SYNE1: variants seen among roughly 807,000 people sequenced by gnomAD.
SYNE1 encodes the protein nesprin-1.
Under a neutral mutation model 1,111.0 loss-of-function variants are expected in SYNE1, and 616 were observed. That is an observed-to-expected ratio of 0.55 (90% CI 0.52 to 0.59). The LOEUF is 0.59. Among genes scored for constraint, SYNE1 ranks in the 20% least tolerant of loss-of-function variants. The pLI, the probability that SYNE1 is intolerant of heterozygous loss-of-function variation, is 0.00. For synonymous variants in SYNE1, 3,855 were observed against 3,825.8 expected (o/e 1.01, Z -0.28); for missense variants, 10,006 against 10,417.0 (o/e 0.96, Z 1.72).
chr6:152,220,995 G>T lies in SYNE1; in HGVS notation c.21708C>A (p.Ala7236=). 1 of 1,614,098 alleles carries T rather than the reference G, an allele frequency of 6.2e-7. No individual in the cohort carries two copies. Among genetic ancestry groups the T allele is most frequent in the Non-Finnish European group, 8.5e-7 (1 of 1,180,008 alleles). ...TGTATCTTTGCCAAAGCTGAAGTAGGGCCTTGCTGGACTGTAGCTGCTCAG... is the reference window on the plus strand; with the variant it reads ...TGTATCTTTGCCAAAGCTGAAGTAGTGCCTTGCTGGACTGTAGCTGCTCAG... ...EIAEQLQSSK[A]LLQLWQRYKD... is the part of the protein sequence containing the mutation. The change falls in exon 119 of 146, where the codon GCC becomes GCA. Residue 7236 remains alanine, a synonymous_variant. Coordinates refer to ENST00000367255, the MANE Select transcript of SYNE1 (RefSeq NM_182961.4).
intron 33 of SYNE1, chr6:152,435,454 T>G (rs967958691): frequency 6.5e-6 from 1 of 153,554 alleles, no homozygotes; most frequent in African/African-American, 2.4e-5. Context: ...GGAAAGAGCA[T>G]ATTAGTCAGG....
intron 36 of SYNE1, among the ~76,000 whole-genome samples, chr6:152,429,645 G>T (rs548942302): frequency 1.3e-5 from 2 of 152,156 alleles, no homozygotes; most frequent in South Asian, 4.1e-4. Context: ...TTCTGCCAGA[G>T]CCATCTGTCT....
chr6:152,180,122 C>A lies in SYNE1; in HGVS notation c.23460+14G>T. The A allele has an allele frequency of 1.2e-6, 2 of 1,613,844 alleles. No homozygotes were observed. The highest frequency in any genetic ancestry group is 1.7e-6 in the Non-Finnish European group (2 of 1,179,848). On this transcript the variant is annotated intron_variant, in intron 129 of 145. Coordinates refer to ENST00000367255, the MANE Select transcript of SYNE1 (RefSeq NM_182961.4). The stretch of plus-strand genomic sequence containing the variant: ...TATGAAGAATGAAAACCTAAGTAGC[C>A]ATGCATTCCATACCTTCTTGAGCTT...
intron 145 of SYNE1, among the ~76,000 whole-genome samples, chr6:152,124,269 A>C (rs947758379): frequency 6.6e-6 from 1 of 152,160 alleles, no homozygotes; most frequent in African/African-American, 2.4e-5. Context: ...TCGGAACACC[A>C]CTGCACTCCA....
chr6:152,601,515 C>T (rs2099596019), intron 3 of SYNE1, among the ~76,000 whole-genome samples: 1 of 152,106 alleles, frequency 6.6e-6, no homozygotes, highest in African/African-American at 2.4e-5. Flanking sequence ...GAGGAAACTT[C>T]GCAGCAGGAT....
chr6:152,341,252 T>C (rs1316065153), intron 74 of SYNE1, among the ~76,000 whole-genome samples: 1 of 152,182 alleles, frequency 6.6e-6, no homozygotes, highest in Non-Finnish European at 1.5e-5. Context: ...GAGAAAGTTA[T>C]TTGTCTCAAA....
chr6:152,453,001 T>G (rs556520607), intron 25 of SYNE1, among the ~76,000 whole-genome samples: 2 of 152,232 alleles, frequency 1.3e-5, no homozygotes, highest in Admixed American at 1.3e-4. Context: ...TCCACCTCCC[T>G]CTTTCAAAGC....
chr6:152,285,400 T>C (rs921377516), intron 95 of SYNE1, among the ~76,000 whole-genome samples: 1 of 152,222 alleles, frequency 6.6e-6, no homozygotes, highest in Non-Finnish European at 1.5e-5. Context: ...GTCCAGTCTA[T>C]ATGAAGCAAT....
chr6:152,455,043 A>G (rs214970), intron 24 of SYNE1, among the ~76,000 whole-genome samples: 79,668 of 152,076 alleles, frequency 0.52, 22,769 homozygotes, highest in East Asian at 0.76. Flanking sequence ...GTGACACAGT[A>G]TCTATACTAT....
chr6:152,493,727 A>G (rs1306636904), intron 11 of SYNE1, among the ~76,000 whole-genome samples: 1 of 152,144 alleles, frequency 6.6e-6, no homozygotes, highest in Non-Finnish European at 1.5e-5. Context: ...ATAAAAGCAC[A>G]TATGCTCTCC....
At chr6:152,623,012 T>G (rs2099678918) in intron 3 of SYNE1, among the ~76,000 whole-genome samples, 1 of 152,108 alleles carries the variant, frequency 6.6e-6, no homozygotes, top group Non-Finnish European at 1.5e-5. Flanking sequence ...TAATCATCAG[T>G]GATGCTGAGC....
chr6:152,206,160 G>T lies in SYNE1; in HGVS notation c.23019+8C>A, dbSNP rs760060099. On this transcript the variant is annotated splice_region_variant and intron_variant, in intron 126 of 145. Transcript: ENST00000367255. ...TTTTTTGGTTCGTTTTTTTCTAACT[G>T]AACTTACTTTCAACAAGAAGGCTAG... is the stretch of plus-strand genomic sequence containing the variant. 1.4e-5 allele frequency: 22 copies of T among 1,612,780 alleles called. No individual in the cohort carries two copies. The African/African-American group carries it at 1.7e-4, about 13-fold the overall frequency.
intron 89 of SYNE1, 104 bp from the exon 90 acceptor site, chr6:152,310,121 C>CA (rs11292345): frequency 1.9e-3 from 2,084 of 1,075,864 alleles, no homozygotes; most frequent in Middle Eastern, 3.8e-3. Context: ...AAACATTTTG[C>CA]AAAAAAAAAA....
At chr6:152,361,697 G>A (rs1046571628) in intron 64 of SYNE1, among the ~76,000 whole-genome samples, 1 of 151,950 alleles carries the variant, frequency 6.6e-6, no homozygotes, top group East Asian at 1.9e-4. Context: ...ATAAACCAAA[G>A]GACTGTAAAA....
At chr6:152,349,252 C>T (rs993124292) in intron 72 of SYNE1, among the ~76,000 whole-genome samples, 1 of 152,222 alleles carries the variant, frequency 6.6e-6, no homozygotes, top group Non-Finnish European at 1.5e-5. Context: ...TTATTAAGTT[C>T]TTATCTTGAT....
At chr6:152,514,376 G>A (rs1412416061) in intron 6 of SYNE1, among the ~76,000 whole-genome samples, 1 of 152,116 alleles carries the variant, frequency 6.6e-6, no homozygotes, top group East Asian at 1.9e-4. Flanking sequence ...AATAACACAA[G>A]AACAGAAAAC....
At chr6:152,205,505 G>A (rs2076343370) in intron 126 of SYNE1, among the ~76,000 whole-genome samples, 1 of 152,212 alleles carries the variant, frequency 6.6e-6, no homozygotes, top group African/African-American at 2.4e-5. Context: ...GGTTTACCAT[G>A]ATTTTAACTT....
At chr6:152,459,190 C>G (rs771383731) in intron 21 of SYNE1, among the ~76,000 whole-genome samples, 11 of 152,102 alleles carry the variant, frequency 7.2e-5, no homozygotes, top group Non-Finnish European at 1.6e-4. Flanking sequence ...ATCTGGATAG[C>G]ACTTTCTCAT....
chr6:152,599,105 A>G (rs2099589872), intron 3 of SYNE1, among the ~76,000 whole-genome samples: 2 of 152,234 alleles, frequency 1.3e-5, no homozygotes, highest in South Asian at 4.1e-4. Context: ...AATAATTTCA[A>G]TACTACAAAT....
Sources: gnomAD v4.1 joint callset for allele counts (sites outside exome capture counted in the v4.1 genomes callset) on GRCh38, gnomAD v4.1.1 for gene constraint, MANE v1.5 for transcripts, NCBI Gene and HGNC (gene_info 2026-07-23, HGNC 2026-07-21) for gene names.